The following CNST variants were observed in gnomAD, a reference collection of about 807,000 sequenced individuals.
The protein encoded by CNST is consortin, connexin sorting protein, also known as consortin.
CNST carries 39 observed loss-of-function variants against 72.4 expected under a neutral mutation model. The ratio of observed to expected loss-of-function variants is 0.54; its 90% CI spans 0.42 to 0.70. The LOEUF is 0.70. CNST is among the 30% of genes least tolerant of loss of function. CNST has a pLI of 0.00. For synonymous variants in CNST, 332 were observed against 320.1 expected, an observed-to-expected ratio of 1.04 and a Z score of -0.40; for missense variants, 871 against 868.5, an observed-to-expected ratio of 1.00 and a Z score of -0.04.
intron 5 of CNST, 188 bp from the exon 6 acceptor site, chr1:246,634,285 T>A: frequency 1.8e-6 from 1 of 564,938 alleles, no homozygotes. Context: ...ACTGGCTAAT[T>A]TAGTCTCTAG....
chr1:246,591,930 A>G lies in CNST; in HGVS notation c.368A>G (p.Lys123Arg), dbSNP rs774700987. 30 of 1,605,928 alleles carry G rather than the reference A, an allele frequency of 1.9e-5. No individual in the cohort carries two copies. The Admixed American group carries it at 5.0e-4, about 27-fold the overall frequency. Reference sequence around the variant, plus strand: ...AGAAGCAAAAAAGGGACTGCTAAGAAGATACCACCAGGTATTGTTTAAAAT... The same window carrying G: ...AGAAGCAAAAAAGGGACTGCTAAGAGGATACCACCAGGTATTGTTTAAAAT... ...SPRSKKGTAKKIPPGLFSGDI... is the reference protein window; with the variant it reads ...SPRSKKGTAKRIPPGLFSGDI... The change falls in exon 2 of 11, where the codon AAG becomes AGG. Residue 123 changes from lysine to arginine, a missense_variant. Transcript: ENST00000366513.
intron 8 of CNST, among the ~76,000 whole-genome samples, chr1:246,642,311 T>C (rs1665770332): frequency 1.3e-5 from 2 of 152,198 alleles, no homozygotes; most frequent in East Asian, 3.9e-4. Flanking sequence ...TAGGTGGTTA[T>C]ATATATCTAA....
chr1:246,634,176 G>C lies in CNST; in HGVS notation c.703+166G>C, dbSNP rs2103101591. 5.2e-6 allele frequency: 3 copies of C among 577,250 alleles called. No individual in the cohort carries two copies. The East Asian group carries it at 8.6e-5, about 17-fold the overall frequency. 35.8% of individuals were successfully genotyped at this position (577,250 alleles called of 1,614,324 possible). Reference sequence around the variant, plus strand: ...ATTTTTACCACAAGTCTATTATATTGTGAGAAGACTTTTTTCTTTGTATTT... The same window carrying C: ...ATTTTTACCACAAGTCTATTATATTCTGAGAAGACTTTTTTCTTTGTATTT... On this transcript the variant is annotated intron_variant, in intron 5 of 10. Coordinates refer to ENST00000366513, the MANE Select transcript of CNST (RefSeq NM_152609.3).
chr1:246,666,048 A>C lies in CNST; in HGVS notation c.*143A>C. 3.3e-6 allele frequency: 2 copies of C among 611,740 alleles called. 1 individual carries two copies. The highest frequency in any genetic ancestry group is 5.7e-6 in the Non-Finnish European group (2 of 348,048). 37.9% of individuals were successfully genotyped at this position (611,740 alleles called of 1,614,324 possible). A position where few individuals can be genotyped will look rare whatever the true frequency, so the allele number is the denominator to read the frequency against. ...ATCAGAAATAGCAACTTTAAGTGGC[A>C]AGCCGGAGGAACTCTGTTAGAATAA... On this transcript the variant is annotated 3_prime_UTR_variant, in exon 11 of 11. Transcript: ENST00000366513.
chr1:246,575,981 T>C (rs1277732202), intron 1 of CNST, among the ~76,000 whole-genome samples: 3 of 151,244 alleles, frequency 2.0e-5, no homozygotes, highest in Non-Finnish European at 4.4e-5. Flanking sequence ...ACGCCTGTAA[T>C]CCCAGCACTT....
In CNST at chr1:246,628,200, A is replaced by G. The variant is rs562510705; in HGVS notation, c.586-3694A>G. ...GTTTAAAAGGGGGTCTGCCTTCCCC[A>G]GCCCACTGACTCAAATGTTGATCTC... On this transcript the variant is annotated intron_variant, in intron 3 of 10. Transcript: ENST00000366513. 2.5e-3 allele frequency among the ~76,000 whole-genome samples: 379 copies of G among 152,246 alleles called. 1 individual carries two copies. Among genetic ancestry groups the G allele is most frequent in the African/African-American group, 8.7e-3 (362 of 41,548 alleles).
intron 1 of CNST, among the ~76,000 whole-genome samples, chr1:246,590,035 GT>G (rs1661444844): frequency 6.6e-6 from 1 of 152,064 alleles, no homozygotes; most frequent in African/African-American, 2.4e-5. Flanking sequence ...AGATGAGTAG[GT>G]TGCAAAAATT....
intron 9 of CNST, among the ~76,000 whole-genome samples, chr1:246,653,416 A>G (rs923613302): frequency 1.3e-5 from 2 of 152,238 alleles, no homozygotes; most frequent in Admixed American, 6.5e-5. Context: ...CCGGAACAAA[A>G]GAGGGTCTTA....
At chr1:246,634,848 G>T (rs34716329) in intron 6 of CNST, among the ~76,000 whole-genome samples, 1 of 151,754 alleles carries the variant, frequency 6.6e-6, no homozygotes, top group Non-Finnish European at 1.5e-5. Context: ...TCAGCGCCAC[G>T]TGAGGACGGG....
intron 1 of CNST, among the ~76,000 whole-genome samples, chr1:246,567,905 C>T (rs1302568852): frequency 1.3e-5 from 2 of 152,060 alleles, no homozygotes; most frequent in African/African-American, 2.4e-5. Context: ...TTTCCCCCTC[C>T]AGGACCTGGA....
rs951952244 is a variant in CNST, at chr1:246,666,673, C to CA, written c.*771dup. On this transcript the variant is annotated 3_prime_UTR_variant, in exon 11 of 11. Coordinates refer to ENST00000366513, the MANE Select transcript of CNST (RefSeq NM_152609.3). The stretch of plus-strand genomic sequence containing the variant: ...AGAAATTAATCACAGGCCTAGAGAC[C>CA]AAAGAAAAAGCTCCCCTGAGTCTCA... 2.0e-5 allele frequency: 3 copies of CA among 152,088 alleles called. No homozygotes were observed. The highest frequency in any genetic ancestry group is 2.9e-5 in the Non-Finnish European group (2 of 68,018). The allele number at this position is 152,088 out of a possible 1,614,324, so 9.4% of individuals were successfully genotyped here. A position where few individuals can be genotyped will look rare whatever the true frequency, so the allele number is the denominator to read the frequency against.
rs1491252940 is a variant in CNST, at chr1:246,642,132, G to GTTTTTTTTTTTTTTTTTTTTTT, written c.937+95_937+96insTTTTTTTTTTTTTTTTTTTTTT. 6.4e-4 allele frequency: 126 copies of GTTTTTTTTTTTTTTTTTTTTTT among 198,320 alleles called. 27 individuals carry two copies. Among genetic ancestry groups the GTTTTTTTTTTTTTTTTTTTTTT allele is most frequent in the African/African-American group, 5.6e-3 (106 of 18,800 alleles). 12.3% of individuals were successfully genotyped at this position (198,320 alleles called of 1,614,324 possible). A position where few individuals can be genotyped will look rare whatever the true frequency, so the allele number is the denominator to read the frequency against. On this transcript the variant is annotated intron_variant, in intron 8 of 10. Coordinates refer to ENST00000366513, the MANE Select transcript of CNST (RefSeq NM_152609.3). ...ACATCTGAATTGCTGCAAAGGATCT[G>GTTTTTTTTTTTTTTTTTTTTTT]GTTTTTTTTTTTTTTTTTTTTTGCA...
chr1:246,583,319 T>C (rs1175532850), intron 1 of CNST, among the ~76,000 whole-genome samples: 8 of 152,240 alleles, frequency 5.3e-5, no homozygotes, highest in Admixed American at 5.2e-4. Flanking sequence ...TTCTCAAATA[T>C]TCACGCATTA....
chr1:246,635,897 G>A (rs1250020718), intron 6 of CNST, among the ~76,000 whole-genome samples: 4 of 152,220 alleles, frequency 2.6e-5, no homozygotes, highest in African/African-American at 7.2e-5. Flanking sequence ...TCATACGCAG[G>A]GACTCCGAGG....
chr1:246,633,806 G>T, intron 4 of CNST, 118 bp from the exon 5 acceptor site: 1 of 589,922 alleles, frequency 1.7e-6, no homozygotes, highest in Non-Finnish European at 3.1e-6. Context: ...AAAATATTTA[G>T]AGTCCTCTCA....
In CNST at chr1:246,621,597, A is replaced by G. The variant is rs12091148; in HGVS notation, c.548A>G (p.Gln183Arg). 2.6e-3 allele frequency: 4,248 copies of G among 1,614,154 alleles called. 106 individuals are homozygous for G. The African/African-American group carries it at 0.049, about 19-fold the overall frequency. The stretch of plus-strand genomic sequence containing the variant: ...TCACTTATACGAGGTGAAGTTGAGC[A>G]GTTGGATTCAAGAGCACTTCCCCTT... ...LFSLIRGEVE[Q>R]LDSRALPLCL... Residue 183 changes from glutamine (Q) to arginine (R), a missense_variant, in exon 3 of 11, where the codon CAG (glutamine) becomes CGG (arginine). Gln to Arg is a conservative substitution (Grantham distance 43, BLOSUM62 1). Coordinates refer to ENST00000366513, the MANE Select transcript of CNST (RefSeq NM_152609.3).
In CNST at chr1:246,583,405, T is replaced by C. The variant is rs1038408043; in HGVS notation, c.-51-8107T>C. Among the ~76,000 whole-genome samples the C allele has an allele frequency of 3.9e-5, 6 of 152,372 alleles. 1 individual carries two copies. The highest frequency in any genetic ancestry group is 2.0e-4 in the Admixed American group (3 of 15,312). On this transcript the variant is annotated intron_variant, in intron 1 of 10. Transcript: ENST00000366513. ...TGCCTGTCATTGATCACATTCTTCT[T>C]TGTAGCAAAGTTTTTTTGAGAGAAG...
intron 2 of CNST, chr1:246,606,536 G>A (rs1662834621): frequency 6.6e-6 from 1 of 152,196 alleles, no homozygotes; most frequent in East Asian, 1.9e-4. Flanking sequence ...TGGTTTTGTT[G>A]TCACACGAGC....
At position 246,647,487 on chromosome 1, in the gene CNST, C is replaced by T. The variant is rs1371369181; in HGVS notation, c.1286C>T (p.Ser429Leu). The T allele has an allele frequency of 6.2e-7, 1 of 1,614,056 alleles. No individual in the cohort carries two copies. Among genetic ancestry groups the T allele is most frequent in the Admixed American group, 1.7e-5 (1 of 60,002 alleles). Residue 429 changes from serine to leucine, a missense_variant, in exon 9 of 11, where the codon TCA becomes TTA. Coordinates refer to ENST00000366513, the MANE Select transcript of CNST (RefSeq NM_152609.3). The stretch of plus-strand genomic sequence containing the variant: ...CCTAAGGTGTTTCTTTCCAGCAAGT[C>T]AAAGACAGAGCCGTTGATTTCACCA... ...EDPKVFLSSKSKTEPLISPGC... is the reference protein window; with the variant it reads ...EDPKVFLSSKLKTEPLISPGC...
Sources: gnomAD v4.1 joint callset for allele counts (sites outside exome capture counted in the v4.1 genomes callset) on GRCh38, gnomAD v4.1.1 for gene constraint, MANE v1.5 for transcripts, NCBI Gene and HGNC (gene_info 2026-07-23, HGNC 2026-07-21) for gene names.